The following GPHN variants were observed in gnomAD, a reference collection of about 807,000 sequenced individuals.
GPHN encodes the protein gephyrin.
Under a neutral mutation model 95.5 loss-of-function variants are expected in GPHN, and 17 were observed. The ratio of observed to expected loss-of-function variants is 0.18; its 90% CI spans 0.12 to 0.27. The LOEUF (loss-of-function observed/expected upper bound fraction) is 0.27, where lower values mean the gene tolerates loss of function less well. Among genes scored for constraint, GPHN ranks in the 10% least tolerant of loss-of-function variants. The pLI is 1.00. For missense variants in GPHN, 660 were observed against 978.1 expected (o/e 0.67, Z 4.34); for synonymous variants, 320 against 322.5 (o/e 0.99, Z 0.08).
At chr14:67,294,670 T>C in the GPHN span, 1 of 152,106 alleles carries the variant, frequency 6.6e-6, no homozygotes, top group Non-Finnish European at 1.5e-5. Context: ...TTCTTAGATA[T>C]TATAGTGCTT....
chr14:66,821,598 G>A (rs1458097933), intron 3 of GPHN, among the ~76,000 whole-genome samples: 1 of 152,198 alleles, frequency 6.6e-6, no homozygotes, highest in Non-Finnish European at 1.5e-5. Flanking sequence ...CTTGTTAAAT[G>A]AATTAATGAA....
chr14:67,662,080 C>T, the GPHN span, among the ~76,000 whole-genome samples: 1 of 151,238 alleles, frequency 6.6e-6, no homozygotes, highest in East Asian at 2.0e-4. Context: ...GGTGTGAACC[C>T]GGGAGGTGGA....
chr14:67,208,127 C>T, the GPHN span: 11 of 1,569,686 alleles, frequency 7.0e-6, no homozygotes, highest in East Asian at 2.2e-5. Context: ...TGCCTGTATT[C>T]GATACTGTTC....
the GPHN span, chr14:67,674,580 T>A: frequency 5.5e-6 from 6 of 1,098,566 alleles, no homozygotes; most frequent in Non-Finnish European, 2.4e-6. Context: ...CCAGTGGCCA[T>A]AACGGCGACC....
the GPHN span, chr14:67,359,906 G>A: frequency 1.0e-5 from 6 of 583,276 alleles, no homozygotes; most frequent in African/African-American, 3.8e-5. Context: ...GAACAGAGGC[G>A]TTGCCCGGAT....
the GPHN span, among the ~76,000 whole-genome samples, chr14:67,357,650 C>G: frequency 2.6e-5 from 4 of 152,264 alleles, no homozygotes; most frequent in East Asian, 7.7e-4. Flanking sequence ...GTAGTGAAAA[C>G]AGATTTTATT....
At chr14:67,652,801 CT>C in the GPHN span, among the ~76,000 whole-genome samples, 4 of 150,078 alleles carry the variant, frequency 2.7e-5, no homozygotes, top group Admixed American at 6.7e-5. Context: ...AAATATATTT[CT>C]TTTTTTTTTG....
chr14:66,529,595 T>C (rs6573681), intron 1 of GPHN, among the ~76,000 whole-genome samples: 49,684 of 152,066 alleles, frequency 0.33, 11,893 homozygotes, highest in African/African-American at 0.65. Flanking sequence ...TCCCTATCTT[T>C]GTGGATTTAT....
In GPHN at chr14:66,916,016, A is replaced by G; in HGVS notation, c.403A>G (p.Ile135Val). Residue 135 changes from isoleucine (I) to valine (V), a missense_variant, in exon 6 of 23, where the codon ATC (isoleucine) becomes GTC (valine). By Grantham distance (29) the Ile-to-Val change is conservative. This residue lies in a region of GPHN where 71 missense variants were observed against 130.8 expected (regional missense o/e 0.54). Coordinates refer to ENST00000478722, the MANE Select transcript of GPHN (RefSeq NM_020806.5). Reference sequence around the variant, plus strand: ...CTTTTCTTTCAGGCCTGTATGTGGAATCAGAGGGAAAACGCTCATAATTAA... The same window carrying G: ...CTTTTCTTTCAGGCCTGTATGTGGAGTCAGAGGGAAAACGCTCATAATTAA... ...LGMLSRPVCG[I>V]RGKTLIINLP... The G allele has an allele frequency of 6.3e-7, 1 of 1,597,812 alleles. No individual in the cohort carries two copies. The highest frequency in any genetic ancestry group is 8.6e-7 in the Non-Finnish European group (1 of 1,165,092).
chr14:67,201,157 A>G, the GPHN span, among the ~76,000 whole-genome samples: 1 of 152,154 alleles, frequency 6.6e-6, no homozygotes, highest in East Asian at 1.9e-4. Flanking sequence ...AGCAGGGTGC[A>G]GTGCTGCACA....
chr14:67,477,403 C>T, the GPHN span, among the ~76,000 whole-genome samples: 1 of 152,336 alleles, frequency 6.6e-6, no homozygotes, highest in East Asian at 1.9e-4. Context: ...AGGTTACCTT[C>T]AGAACAAAAT....
intron 11 of GPHN, among the ~76,000 whole-genome samples, chr14:67,069,720 T>C (rs1381932235): frequency 2.6e-5 from 4 of 152,372 alleles, no homozygotes; most frequent in African/African-American, 9.6e-5. Context: ...CTCCATTTGT[T>C]GGCCTGCATC....
chr14:67,686,498 G>A, the GPHN span, among the ~76,000 whole-genome samples: 1 of 152,084 alleles, frequency 6.6e-6, no homozygotes, highest in East Asian at 1.9e-4. Flanking sequence ...AATTGGCCGG[G>A]CATGGTGGCG....
chr14:66,985,788 C>G (rs1220205254), intron 9 of GPHN: 1 of 1,057,166 alleles, frequency 9.5e-7, no homozygotes. Context: ...ATAGCCTACA[C>G]TTCTTCCTTT....
the GPHN span, among the ~76,000 whole-genome samples, chr14:67,373,842 A>AGTGTGTGTGT: frequency 0.033 from 4,751 of 145,742 alleles, 134 homozygotes; most frequent in African/African-American, 0.069. Flanking sequence ...TAATTTGTTC[A>AGTGTGTGTGT]GTGTGTGTGT....
chr14:67,584,392 C>T, the GPHN span, among the ~76,000 whole-genome samples: 2 of 152,176 alleles, frequency 1.3e-5, no homozygotes, highest in African/African-American at 4.8e-5. Flanking sequence ...AAATAACAGC[C>T]CTCTCAAGAG....
chr14:67,719,660 T>C, the GPHN span, among the ~76,000 whole-genome samples: 1 of 152,034 alleles, frequency 6.6e-6, no homozygotes, highest in South Asian at 2.1e-4. Flanking sequence ...TTCCTTTTTG[T>C]AGAGACGGGG....
the GPHN span, among the ~76,000 whole-genome samples, chr14:67,505,787 A>G: frequency 2.2e-4 from 34 of 151,702 alleles, no homozygotes; most frequent in Admixed American, 2.0e-3. Context: ...GCTCACTGCA[A>G]CCTCTGCCTC....
At chr14:67,534,884 C>G in the GPHN span, among the ~76,000 whole-genome samples, 1 of 152,124 alleles carries the variant, frequency 6.6e-6, no homozygotes, top group Admixed American at 6.5e-5. Context: ...CAGATATACT[C>G]TGATGTATAT....
Sources: gnomAD v4.1 joint callset for allele counts (sites outside exome capture counted in the v4.1 genomes callset) on GRCh38, gnomAD v4.1.1 for gene constraint, gnomAD v4.1.1 regional missense constraint, MANE v1.5 for transcripts, NCBI Gene and HGNC (gene_info 2026-07-23, HGNC 2026-07-21) for gene names.